The following MYO15B variants were observed in gnomAD, a reference collection of about 807,000 sequenced individuals.
MYO15B encodes myosin XVB, also known as myosin XVB pseudogene.
Under a neutral mutation model 119.3 loss-of-function variants are expected in MYO15B, and 207 were observed. The ratio of observed to expected loss-of-function variants is 1.73; its 90% CI spans 1.55 to 1.95. MYO15B has a LOEUF of 1.95. Ranked by LOEUF, MYO15B falls within the 30% of genes most tolerant of loss-of-function variation. The pLI is 0.00. For missense variants in MYO15B, 2,264 were observed against 1,203.1 expected (o/e 1.88, Z -13.04); for synonymous variants, 966 against 498.9 (o/e 1.94, Z -12.48).
chr17:75,618,573 C>CG (rs2058517263), intron 43 of MYO15B, among the ~76,000 whole-genome samples: 3 of 152,168 alleles, frequency 2.0e-5, no homozygotes, highest in Admixed American at 2.0e-4. Flanking sequence ...TGCTTGAACC[C>CG]GGGAGGCAGA....
exon 34 of MYO15B, chr17:75,615,260 A>G: frequency 1.4e-6 from 1 of 702,606 alleles, no homozygotes; most frequent in Non-Finnish European, 2.6e-6. Context: ...AATGATTCAG[A>G]TGCCTGCATA....
exon 64 of MYO15B, chr17:75,626,542 C>A: frequency 2.8e-6 from 2 of 702,174 alleles, no homozygotes; most frequent in South Asian, 1.5e-5. Context: ...AAGTCTCACC[C>A]ACATGGTCTG....
exon 54 of MYO15B, chr17:75,623,805 G>A (rs1236704251): frequency 4.3e-6 from 3 of 703,108 alleles, no homozygotes; most frequent in East Asian, 2.7e-5. Context: ...GAAGCTGAGG[G>A]ATGAGATTTA....
chr17:75,620,498 C>T (rs759892276), exon 49 of MYO15B: 22 of 702,628 alleles, frequency 3.1e-5, no homozygotes, highest in South Asian at 2.5e-4. Flanking sequence ...GGGGCCGTTC[C>T]GGACTCTTTC....
chr17:75,623,863 GGACC>G lies in MYO15B; in HGVS notation c.8156+11_8156+14del, dbSNP rs2058848199. 2 of 560,834 alleles carry G rather than the reference GGACC, an allele frequency of 3.6e-6. No individual in the cohort carries two copies. The highest frequency in any genetic ancestry group is 5.7e-5 in the Admixed American group (2 of 35,138). The allele number at this position is 560,834 out of a possible 1,614,324, so 34.7% of individuals were successfully genotyped here. On this transcript the variant is annotated intron_variant, in intron 54 of 63. Coordinates refer to ENST00000645453, the Ensembl canonical transcript of MYO15B. ...ACGGGACACCCCCGGCCGTGAGTGG[GGACC>G]GGTGGCTTCTGGGGGTGGCTTCTGG...
rs2058881037 is a variant in MYO15B, at chr17:75,624,219, T to TA, written c.8318dup (p.Tyr2773Ter). ...GGAGCACCTCCAGCGCACAGTCAAA[T>TA]ATGGGGGGCGCCGGCGGATGCCCCC... Residue 2773 changes from tyrosine (Y) to a stop codon, truncating the protein, a stop_gained and frameshift_variant, in exon 56 of 64, where the codon TAT (tyrosine) becomes TAAT (stop). Transcript: ENST00000645453. LOFTEE classifies it high-confidence loss of function. 1.4e-6 allele frequency: 1 copy of TA among 702,722 alleles called. No individual in the cohort carries two copies. Among genetic ancestry groups the TA allele is most frequent in the South Asian group, 1.5e-5 (1 of 67,578 alleles). 43.5% of individuals were successfully genotyped at this position (702,722 alleles called of 1,614,324 possible). A position where few individuals can be genotyped will look rare whatever the true frequency, so the allele number is the denominator to read the frequency against.
chr17:75,606,320 G>GT (rs35239184), intron 21 of MYO15B, among the ~76,000 whole-genome samples: 4,513 of 145,982 alleles, frequency 0.031, 79 homozygotes, highest in Middle Eastern at 0.057. Flanking sequence ...AACAATCTTT[G>GT]TTTTTTTTTT....
chr17:75,626,596 C>T (rs944881230), exon 64 of MYO15B: 10 of 659,788 alleles, frequency 1.5e-5, no homozygotes, highest in Admixed American at 1.1e-4. Flanking sequence ...TGCCTCAGCA[C>T]AGCCCAGCCG....
At chr17:75,592,909 G>T (rs1347155577) in intron 9 of MYO15B, 69 bp downstream of exon 9, 2 of 662,036 alleles carry the variant, frequency 3.0e-6, no homozygotes, top group Admixed American at 4.2e-5. Flanking sequence ...TGGTAATGAC[G>T]CCAAATGCTG....
chr17:75,590,067 G>A, exon 1 of MYO15B: 2 of 399,048 alleles, frequency 5.0e-6, no homozygotes, highest in Non-Finnish European at 8.8e-6. Flanking sequence ...AGGGAGACCC[G>A]GGCCTCCGTG....
intron 21 of MYO15B, chr17:75,606,957 A>G (rs569224225): frequency 1.5e-4 from 59 of 398,406 alleles, no homozygotes; most frequent in African/African-American, 8.8e-4. Context: ...TTCCTCCAAC[A>G]GCTGTTGGCT....
rs777769680 is a variant in MYO15B at position 75,591,562 on chromosome 17, G to T, written c.2436-39G>T. 4 of 702,410 alleles carry T rather than the reference G, an allele frequency of 5.7e-6. No individual in the cohort carries two copies. In the South Asian group the frequency reaches 5.9e-5, roughly 10 times the overall value. The allele number at this position is 702,410 out of a possible 1,614,324, so 43.5% of individuals were successfully genotyped here. On this transcript the variant is annotated intron_variant, in intron 4 of 63. Coordinates refer to ENST00000645453, the Ensembl canonical transcript of MYO15B. The stretch of plus-strand genomic sequence containing the variant: ...TGGGTTCACTGGGGTGGTCCTATGT[G>T]CCCCTCCCTGGAGACCCTACCAACC...
At chr17:75,591,382 C>T in intron 4 of MYO15B, 136 bp downstream of exon 4, 1 of 621,424 alleles carries the variant, frequency 1.6e-6, no homozygotes, top group Non-Finnish European at 2.9e-6. Flanking sequence ...CAGGGCCGAG[C>T]TCCTGGCTGA....
At chr17:75,596,682 A>C in intron 13 of MYO15B, 86 bp from the exon 14 acceptor site, 1 of 669,840 alleles carries the variant, frequency 1.5e-6, no homozygotes, top group South Asian at 1.6e-5. Context: ...GAGGTGTCTC[A>C]GTCTTCTGAG....
intron 18 of MYO15B, 28 bp downstream of exon 18, chr17:75,603,105 GC>G (rs2057390336): frequency 5.7e-6 from 4 of 703,008 alleles, no homozygotes; most frequent in Non-Finnish European, 1.0e-5. Flanking sequence ...TGGCCTCAGG[GC>G]CCTCCCCCTC....
chr17:75,623,749 C>T (rs1051314171), intron 53 of MYO15B, 32 bp from the exon 54 acceptor site: 1 of 702,638 alleles, frequency 1.4e-6, no homozygotes. Context: ...CGCTGCCATC[C>T]CTCACCCCAC....
Position 75,625,022 on chromosome 17 carries a change from T to TG in MYO15B, c.8689-95dup, listed in dbSNP as rs1287810453. The TG allele has an allele frequency of 1.3e-3, 834 of 661,060 alleles. 5 individuals carry two copies. The highest frequency in any genetic ancestry group is 6.5e-4 in the Non-Finnish European group (233 of 360,896). The allele number at this position is 661,060 out of a possible 1,614,324, so 40.9% of individuals were successfully genotyped here. A position where few individuals can be genotyped will look rare whatever the true frequency, so the allele number is the denominator to read the frequency against. ...CACAAGGGTGTGGGTCTGTGGTGGCTGGGGGGTGACAGTGGCAAAAGGAGG... is the reference window on the plus strand; with the variant it reads ...CACAAGGGTGTGGGTCTGTGGTGGCTGGGGGGGTGACAGTGGCAAAAGGAGG... On this transcript the variant is annotated intron_variant, in intron 59 of 63. Coordinates refer to ENST00000645453, the Ensembl canonical transcript of MYO15B.
At chr17:75,612,257 G>A (rs1390136474) in intron 25 of MYO15B, among the ~76,000 whole-genome samples, 1 of 152,178 alleles carries the variant, frequency 6.6e-6, no homozygotes, top group African/African-American at 2.4e-5. Flanking sequence ...TTAGATCCAC[G>A]ATGCCACACC....
At chr17:75,616,468 C>A in intron 38 of MYO15B, 22 bp downstream of exon 38, 1 of 666,558 alleles carries the variant, frequency 1.5e-6, no homozygotes, top group Non-Finnish European at 2.7e-6. Context: ...CTGGGCAGGG[C>A]CTGGGGCTCC....
Sources: gnomAD v4.1 joint callset for allele counts (sites outside exome capture counted in the v4.1 genomes callset) on GRCh38, gnomAD v4.1.1 for gene constraint, MANE v1.5 for transcripts, NCBI Gene and HGNC (gene_info 2026-07-23, HGNC 2026-07-21) for gene names.